IBTK: variants seen among roughly 807,000 people sequenced by gnomAD.
IBTK encodes inhibitor of Bruton tyrosine kinase, also known as BTK-binding protein.
A neutral mutation model predicts 154.9 loss-of-function variants in IBTK; 83 were observed. The observed-to-expected ratio is 0.54, with a 90% CI of 0.45 to 0.64. The LOEUF (loss-of-function observed/expected upper bound fraction) is 0.64. Among genes scored for constraint, IBTK ranks in the 30% least tolerant of loss-of-function variants. IBTK has a pLI of 0.00. For missense variants in IBTK, 1,332 were observed against 1,584.6 expected, an observed-to-expected ratio of 0.84 and a Z score of 2.71; for synonymous variants, 515 against 536.1, an observed-to-expected ratio of 0.96 and a Z score of 0.54.
intron 2 of IBTK, among the ~76,000 whole-genome samples, chr6:82,237,641 T>A (rs376459516): frequency 7.0e-6 from 1 of 142,520 alleles, no homozygotes; most frequent in Non-Finnish European, 1.5e-5. Flanking sequence ...GCAGTAGTAG[T>A]AGTAGTAGAA....
intron 12 of IBTK, 147 bp from the exon 13 acceptor site, chr6:82,212,940 A>G (rs1446724739): frequency 1.7e-6 from 1 of 587,166 alleles, no homozygotes; most frequent in Non-Finnish European, 3.0e-6. Context: ...AGATAAAGAA[A>G]TATCATACTT....
At chr6:82,189,026 T>C in intron 25 of IBTK, 1 of 446,066 alleles carries the variant, frequency 2.2e-6, no homozygotes. Context: ...TGAGACTCCA[T>C]CTCAAAAAAA....
At chr6:82,205,023 T>G in intron 16 of IBTK, 65 bp from the exon 17 acceptor site, 2 of 927,616 alleles carry the variant, frequency 2.2e-6, no homozygotes, top group South Asian at 1.9e-5. Context: ...AAAAAAAAAT[T>G]TGAAGTAATT....
Position 82,226,854 on chromosome 6 carries a change from CT to C in IBTK, c.654+337del, listed in dbSNP as rs1158176822. ...CTCCCGACCTCAGGTGATCCGCCTGCTTCAGCCTCCCAAAGTGCTGGGATTA... is the reference window on the plus strand; with the variant it reads ...CTCCCGACCTCAGGTGATCCGCCTGCTCAGCCTCCCAAAGTGCTGGGATTA... On this transcript the variant is annotated intron_variant, in intron 5 of 28. Transcript: ENST00000306270. Among the ~76,000 whole-genome samples, 8 of 152,304 alleles carry C rather than the reference CT, an allele frequency of 5.3e-5. No homozygotes were observed. The East Asian group carries it at 1.5e-3, about 29-fold the overall frequency.
At position 82,173,372 on chromosome 6, in the gene IBTK, A is replaced by G. The variant is rs199622510; in HGVS notation, c.3792T>C (p.Ser1264=). 2 of 1,610,668 alleles carry G rather than the reference A, an allele frequency of 1.2e-6. No individual in the cohort carries two copies. The highest frequency in any genetic ancestry group is 2.7e-5 in the African/African-American group (2 of 74,960). ...NHISDLPLLD[S]PNPWLSSSVT... is the part of the protein sequence containing the mutation. ...AACTTATCAATTAACCTTACTTGGG[A>G]CTGTCTAGAAGTGGTAAATCTGAAA... is the stretch of plus-strand genomic sequence containing the variant. Residue 1264 remains serine (S), a synonymous_variant, in exon 27 of 29, where the codon AGT becomes AGC. Coordinates refer to ENST00000306270, the MANE Select transcript of IBTK (RefSeq NM_015525.4).
intron 26 of IBTK, among the ~76,000 whole-genome samples, chr6:82,174,253 G>A (rs573046019): frequency 6.6e-6 from 1 of 152,114 alleles, no homozygotes; most frequent in Non-Finnish European, 1.5e-5. Flanking sequence ...GAGCATGTCA[G>A]GATTACTGTA....
chr6:82,201,165 C>T (rs1293981570), intron 19 of IBTK, among the ~76,000 whole-genome samples: 1 of 151,956 alleles, frequency 6.6e-6, no homozygotes, highest in Non-Finnish European at 1.5e-5. Context: ...TGGTAAATAA[C>T]AAAAGACTTA....
chr6:82,222,273 C>T (rs1440118962), intron 8 of IBTK, among the ~76,000 whole-genome samples: 1 of 151,718 alleles, frequency 6.6e-6, no homozygotes, highest in Admixed American at 6.6e-5. Context: ...ACCTGTTTTA[C>T]ATTATCAAAA....
chr6:82,222,103 G>A (rs1182271473), intron 8 of IBTK, among the ~76,000 whole-genome samples: 1 of 151,950 alleles, frequency 6.6e-6, no homozygotes. Flanking sequence ...CTGGGAGGCG[G>A]GGGTTGCAGT....
intron 2 of IBTK, among the ~76,000 whole-genome samples, chr6:82,237,086 A>G (rs1215469958): frequency 2.0e-5 from 3 of 152,172 alleles, no homozygotes; most frequent in African/African-American, 7.2e-5. Context: ...AAAATCTCAC[A>G]GGAAGGAAAG....
In IBTK at chr6:82,235,724, T is replaced by A. The variant is rs1007706511; in HGVS notation, c.322-1469A>T. ...TTATAATTTGACAGTTAATTGTTGA[T>A]GACCTGTTTATTCTGCGAGGTATCT... is the stretch of plus-strand genomic sequence containing the variant. On this transcript the variant is annotated intron_variant, in intron 2 of 28. Transcript: ENST00000306270. 2.0e-5 allele frequency among the ~76,000 whole-genome samples: 3 copies of A among 152,256 alleles called. No individual in the cohort carries two copies. In the East Asian group the frequency reaches 5.8e-4, roughly 29 times the overall value.
chr6:82,233,292 A>C (rs1770584344), intron 3 of IBTK, among the ~76,000 whole-genome samples: 1 of 152,100 alleles, frequency 6.6e-6, no homozygotes, highest in East Asian at 1.9e-4. Context: ...TTGCCACTGC[A>C]CTCCAGCCTG....
intron 1 of IBTK, among the ~76,000 whole-genome samples, chr6:82,245,304 G>T (rs1771102040): frequency 6.6e-6 from 1 of 152,056 alleles, no homozygotes; most frequent in African/African-American, 2.4e-5. Flanking sequence ...CATGCCTGTA[G>T]TCCCAACACT....
At chr6:82,235,740 C>A (rs1017839723) in intron 2 of IBTK, among the ~76,000 whole-genome samples, 1 of 152,118 alleles carries the variant, frequency 6.6e-6, no homozygotes, top group African/African-American at 2.4e-5. Flanking sequence ...GTTTATTCTG[C>A]GAGGTATCTG....
At chr6:82,215,272 T>C (rs1273258692) in intron 11 of IBTK, among the ~76,000 whole-genome samples, 1 of 152,060 alleles carries the variant, frequency 6.6e-6, no homozygotes, top group Non-Finnish European at 1.5e-5. Context: ...ACTTGCAGAA[T>C]TTCCTCCCTC....
rs376192209 is a variant in IBTK, at chr6:82,210,858, A to G, written c.2465T>C (p.Val822Ala). 1.3e-6 allele frequency: 2 copies of G among 1,580,350 alleles called. No individual in the cohort carries two copies. The highest frequency in any genetic ancestry group is 1.7e-6 in the Non-Finnish European group (2 of 1,164,300). The change falls in exon 16 of 29, where the codon GTT becomes GCT. Residue 822 changes from valine (V) to alanine (A), a missense_variant. By Grantham distance (64) the Val-to-Ala change is moderately conservative. Around this residue, in one of 3 missense-constraint regions of IBTK, gnomAD observed 1,134 missense variants for 1,274.7 expected, o/e 0.89. Transcript: ENST00000306270. ...ATCAGTATAGAGGTAGTCCAAAATA[A>G]CTTTTAATATATCAGAATGTATTGG... ...EMPIHSDILK[V>A]ILDYLYTDEA...
Position 82,230,927 on chromosome 6 carries a change from G to A in IBTK, c.543+791C>T, listed in dbSNP as rs111923329. On this transcript the variant is annotated intron_variant, in intron 4 of 28. Coordinates refer to ENST00000306270, the MANE Select transcript of IBTK (RefSeq NM_015525.4). ...CAATTACTTACATTTAAGAACTCAG[G>A]TTCACAAAAAGCATCACTCGTGCCT... Among the ~76,000 whole-genome samples the A allele has an allele frequency of 2.4e-3, 366 of 152,158 alleles. 2 individuals carry two copies. The highest frequency in any genetic ancestry group is 8.1e-3 in the African/African-American group (337 of 41,528).
chr6:82,212,737 C>T lies in IBTK; in HGVS notation c.2261G>A (p.Gly754Asp), dbSNP rs749543513. ...TTTCTGACTTAGCTTCAGTTTATTA[C>T]CAGTGTTCTTGGCAATAACATTAAT... ...EKINVIAKNTGNKLKLSQKKC... is the reference protein window; with the variant it reads ...EKINVIAKNTDNKLKLSQKKC... The change falls in exon 13 of 29, where the codon GGT becomes GAT. Residue 754 changes from glycine (G) to aspartate (D), a missense_variant. This residue lies in a region of IBTK where 1,134 missense variants were observed against 1,274.7 expected (regional missense o/e 0.89). Coordinates refer to ENST00000306270, the MANE Select transcript of IBTK (RefSeq NM_015525.4). The T allele has an allele frequency of 1.3e-6, 2 of 1,596,078 alleles. No homozygotes were observed. Among genetic ancestry groups the T allele is most frequent in the Non-Finnish European group, 1.7e-6 (2 of 1,164,010 alleles).
At chr6:82,227,514 GA>G (rs955198510) in intron 4 of IBTK, among the ~76,000 whole-genome samples, 3 of 151,234 alleles carry the variant, frequency 2.0e-5, no homozygotes, top group Admixed American at 6.6e-5. Context: ...ACATTGACAC[GA>G]AAAAAAAGAA....
Sources: allele counts gnomAD v4.1 joint callset (sites outside exome capture counted in the v4.1 genomes callset), GRCh38; gene constraint gnomAD v4.1.1; regional missense constraint gnomAD v4.1.1; transcripts MANE v1.5; gene names NCBI Gene and HGNC (gene_info 2026-07-23, HGNC 2026-07-21).